Variants in TM4SF19 observed in about 807,000 individuals in gnomAD.
TM4SF19 encodes transmembrane 4 L six family member 19, also known as transmembrane 4 L6 family member 19.
TM4SF19 carries 17 observed loss-of-function variants against 21.8 expected under a neutral mutation model. The ratio of observed to expected loss-of-function variants is 0.78; its 90% CI spans 0.53 to 1.17. TM4SF19 has a LOEUF of 1.17. TM4SF19 is among the 50% of genes most tolerant of loss of function. The pLI is 0.00. For synonymous variants in TM4SF19, 107 were observed against 106.7 expected (o/e 1.00, Z -0.02); for missense variants, 216 against 252.1 (o/e 0.86, Z 0.97).
intron 1 of TM4SF19, among the ~76,000 whole-genome samples, chr3:196,335,480 G>A (rs1272371132): frequency 7.5e-6 from 1 of 132,750 alleles, no homozygotes; most frequent in Non-Finnish European, 1.6e-5. Flanking sequence ...GGGGGTAGGA[G>A]AGGGGAGGGG....
intron 1 of TM4SF19, among the ~76,000 whole-genome samples, chr3:196,334,012 G>A (rs1727622540): frequency 6.6e-6 from 1 of 151,756 alleles, no homozygotes; most frequent in African/African-American, 2.4e-5. Context: ...AGTGAGCCAA[G>A]ATCGCACCAC....
intron 1 of TM4SF19, among the ~76,000 whole-genome samples, chr3:196,333,911 C>T (rs1450821142): frequency 1.3e-5 from 2 of 151,988 alleles, no homozygotes; most frequent in Admixed American, 1.3e-4. Flanking sequence ...AAATACAAAA[C>T]TTAGCTGGGA....
intron 1 of TM4SF19, among the ~76,000 whole-genome samples, chr3:196,327,816 T>C (rs1201434734): frequency 2.6e-5 from 4 of 152,218 alleles, no homozygotes; most frequent in Non-Finnish European, 5.9e-5. Context: ...TGTTCACACA[T>C]ACATAGTTTG....
Position 196,327,434 on chromosome 3 carries a change from TGCC to T in TM4SF19, c.154_156del (p.Gly52del). The T allele has an allele frequency of 6.2e-7, 1 of 1,614,162 alleles. No individual in the cohort carries two copies. Among genetic ancestry groups the T allele is most frequent in the Non-Finnish European group, 8.5e-7 (1 of 1,180,026 alleles). ...AGCCCAGTTCCCAGCATGGCATGCCTGCCAAGGAGGCCCCTCAACAGGTAGGTG... is the reference window on the plus strand; with the variant it reads ...AGCCCAGTTCCCAGCATGGCATGCCTAAGGAGGCCCCTCAACAGGTAGGTG... On this transcript the variant is annotated inframe_deletion, in exon 2 of 5. Coordinates refer to ENST00000273695, the MANE Select transcript of TM4SF19 (RefSeq NM_138461.4).
chr3:196,334,084 A>G (rs1363498325), intron 1 of TM4SF19, among the ~76,000 whole-genome samples: 3 of 152,216 alleles, frequency 2.0e-5, no homozygotes, highest in Admixed American at 2.0e-4. Context: ...TGCATTAAAA[A>G]AGAATTAAAC....
chr3:196,334,400 A>C (rs1298012730), intron 1 of TM4SF19, among the ~76,000 whole-genome samples: 2 of 149,992 alleles, frequency 1.3e-5, no homozygotes, highest in African/African-American at 4.9e-5. Flanking sequence ...TTTGAGATGG[A>C]GTCTTGCTCT....
chr3:196,327,457 T>C lies in TM4SF19; in HGVS notation c.134A>G (p.Tyr45Cys). 1.2e-6 allele frequency: 2 copies of C among 1,614,138 alleles called. No homozygotes were observed. Among genetic ancestry groups the C allele is most frequent in the Non-Finnish European group, 8.5e-7 (1 of 1,180,036 alleles). ...CCTGCCAAGGAGGCCCCTCAACAGG[T>C]AGGTGACATCCCAGTTAGGAAGGAG... ...ALLLPNWDVT[Y>C]LLRGLLGRHA... The change falls in exon 2 of 5, where the codon TAC (tyrosine) becomes TGC (cysteine). Residue 45 changes from tyrosine to cysteine, a missense_variant. By Grantham distance (194) the Tyr-to-Cys change is radical (BLOSUM62 -2). Transcript: ENST00000273695.
chr3:196,327,696 C>G, intron 1 of TM4SF19, 105 bp from the exon 2 acceptor site: 1 of 924,284 alleles, frequency 1.1e-6, no homozygotes, highest in Non-Finnish European at 1.7e-6. Context: ...CAGAAACCGC[C>G]ACCTTCCAGG....
At position 196,323,991 on chromosome 3, in the gene TM4SF19, A is replaced by C. The variant is rs36016914; in HGVS notation, c.456T>G (p.Tyr152Ter). 4 of 1,613,766 alleles carry C rather than the reference A, an allele frequency of 2.5e-6. No homozygotes were observed. Among genetic ancestry groups the C allele is most frequent in the Non-Finnish European group, 3.4e-6 (4 of 1,179,930 alleles). ...YPFKDLHSRN[Y>*]LYDRSLWNSV... Reference sequence around the variant, plus strand: ...AGTTCCAGAGCGAACGGTCATACAGATAATTCCTATCCCAAAAAATAAGGA... The same window carrying C: ...AGTTCCAGAGCGAACGGTCATACAGCTAATTCCTATCCCAAAAAATAAGGA... The change falls in exon 5 of 5, where the codon TAT becomes TAG. Residue 152 changes from tyrosine to a stop codon, truncating the protein, a stop_gained. Coordinates refer to ENST00000273695, the MANE Select transcript of TM4SF19 (RefSeq NM_138461.4). LOFTEE classifies it high-confidence loss of function.
chr3:196,336,833 TTCCATGGAGGAAGAGA>T (rs1727779389), intron 1 of TM4SF19, among the ~76,000 whole-genome samples: 1 of 152,138 alleles, frequency 6.6e-6, no homozygotes, highest in African/African-American at 2.4e-5. Flanking sequence ...ATCGGCTCAA[TTCCATGGAGGAAGAGA>T]CCGCACATTC....
chr3:196,333,832 C>T (rs764739997), intron 1 of TM4SF19, among the ~76,000 whole-genome samples: 8 of 152,266 alleles, frequency 5.3e-5, no homozygotes, highest in Middle Eastern at 6.8e-3. Context: ...GAGGCCGAGG[C>T]GGGTGGATCA....
At chr3:196,329,304 C>T (rs1172281774) in intron 1 of TM4SF19, among the ~76,000 whole-genome samples, 1 of 126,258 alleles carries the variant, frequency 7.9e-6, no homozygotes. Context: ...CAAATGGTGC[C>T]GGAACAATGC....
At chr3:196,333,397 AATAAT>A (rs1314840247) in intron 1 of TM4SF19, among the ~76,000 whole-genome samples, 1 of 152,228 alleles carries the variant, frequency 6.6e-6, no homozygotes, top group Non-Finnish European at 1.5e-5. Flanking sequence ...TCGCAACAAT[AATAAT>A]AAAATAGAAC....
At chr3:196,335,630 G>A (rs1221132657) in intron 1 of TM4SF19, among the ~76,000 whole-genome samples, 1 of 151,598 alleles carries the variant, frequency 6.6e-6, no homozygotes, top group African/African-American at 2.4e-5. Flanking sequence ...GGGATGGGGT[G>A]TCTCTTCCCC....
At position 196,327,433 on chromosome 3, in the gene TM4SF19, C is replaced by T. The variant is rs747602535; in HGVS notation, c.158G>A (p.Arg53Lys). 6.2e-7 allele frequency: 1 copy of T among 1,614,182 alleles called. No homozygotes were observed. The highest frequency in any genetic ancestry group is 8.5e-7 in the Non-Finnish European group (1 of 1,180,036). ...VTYLLRGLLG[R>K]HAMLGTGLWG... ...GAGCCCAGTTCCCAGCATGGCATGCCTGCCAAGGAGGCCCCTCAACAGGTA... is the reference window on the plus strand; with the variant it reads ...GAGCCCAGTTCCCAGCATGGCATGCTTGCCAAGGAGGCCCCTCAACAGGTA... The change falls in exon 2 of 5, where the codon AGG (arginine) becomes AAG (lysine). Residue 53 changes from arginine (R) to lysine (K), a missense_variant. Physicochemically the swap from Arg to Lys is conservative, Grantham distance 26 (BLOSUM62 2). Coordinates refer to ENST00000273695, the MANE Select transcript of TM4SF19 (RefSeq NM_138461.4).
At chr3:196,327,121 G>T in intron 2 of TM4SF19, 89 bp from the exon 3 acceptor site, 1 of 1,103,858 alleles carries the variant, frequency 9.1e-7, no homozygotes, top group Non-Finnish European at 1.4e-6. Flanking sequence ...GTGGCTGGCA[G>T]CTCACATGAA....
intron 3 of TM4SF19, chr3:196,324,703 A>G (rs1727216884): frequency 2.2e-6 from 1 of 461,282 alleles, no homozygotes; most frequent in East Asian, 3.7e-5. Flanking sequence ...GCAGAATCGC[A>G]GGCCCCGGAT....
At chr3:196,327,995 T>C (rs1311706461) in intron 1 of TM4SF19, among the ~76,000 whole-genome samples, 1 of 152,036 alleles carries the variant, frequency 6.6e-6, no homozygotes, top group Non-Finnish European at 1.5e-5. Context: ...GCCACACAGA[T>C]AGGAAAGAAA....
At chr3:196,327,742 ACT>A in intron 1 of TM4SF19, 151 bp from the exon 2 acceptor site, 5 of 627,452 alleles carry the variant, frequency 8.0e-6, no homozygotes, top group Non-Finnish European at 1.4e-5. Context: ...CTGCTTAAAA[ACT>A]CTGCTCCTTA....
Sources: allele counts gnomAD v4.1 joint callset (sites outside exome capture counted in the v4.1 genomes callset), GRCh38; gene constraint gnomAD v4.1.1; transcripts MANE v1.5; gene names NCBI Gene and HGNC (gene_info 2026-07-23, HGNC 2026-07-21).